The following GRM8 variants were observed in gnomAD, a reference collection of about 807,000 sequenced individuals.
The protein encoded by GRM8 is glutamate metabotropic receptor 8, also known as metabotropic glutamate receptor 8.
GRM8 carries 47 observed loss-of-function variants against 87.2 expected under a neutral mutation model. That is an observed-to-expected ratio of 0.54 (90% CI 0.43 to 0.69). GRM8 has a LOEUF of 0.69. Ranked by LOEUF, GRM8 falls within the 30% of genes least tolerant of loss-of-function variation. The pLI is 0.00. For synonymous variants in GRM8, 396 were observed against 404.5 expected, an observed-to-expected ratio of 0.98 and a Z score of 0.25; for missense variants, 1,019 against 1,139.2, an observed-to-expected ratio of 0.89 and a Z score of 1.52.
intron 7 of GRM8, among the ~76,000 whole-genome samples, chr7:126,741,529 T>C (rs1814995102): frequency 6.6e-6 from 1 of 152,054 alleles, no homozygotes; most frequent in Non-Finnish European, 1.5e-5. Context: ...GCCAGGATTT[T>C]TCCTTGTAAC....
chr7:126,718,007 C>A (rs1052498360), intron 7 of GRM8, among the ~76,000 whole-genome samples: 1 of 151,772 alleles, frequency 6.6e-6, no homozygotes, highest in Admixed American at 6.6e-5. Context: ...CCAAGGCCGG[C>A]GGATCACAAG....
intron 6 of GRM8, among the ~76,000 whole-genome samples, chr7:126,771,231 T>C (rs117114262): frequency 1.4e-4 from 22 of 152,236 alleles, no homozygotes; most frequent in Non-Finnish European, 3.2e-4. Context: ...TTTATATTTG[T>C]ATATTTACAC....
At chr7:126,631,478 A>G (rs975479384) in intron 7 of GRM8, among the ~76,000 whole-genome samples, 4 of 152,138 alleles carry the variant, frequency 2.6e-5, no homozygotes, top group African/African-American at 7.2e-5. Flanking sequence ...TATAGATTCA[A>G]TGCTATTCCC....
At chr7:126,489,330 A>G (rs201122089) in intron 9 of GRM8, among the ~76,000 whole-genome samples, 1 of 152,118 alleles carries the variant, frequency 6.6e-6, no homozygotes, top group East Asian at 1.9e-4. Flanking sequence ...AGCTATTAAC[A>G]TAACTACATG....
intron 7 of GRM8, among the ~76,000 whole-genome samples, chr7:126,633,430 C>T (rs751790571): frequency 8.5e-5 from 13 of 152,078 alleles, no homozygotes; most frequent in African/African-American, 1.4e-4. Flanking sequence ...AATTGATGAG[C>T]GCTAGCATCA....
rs1412566606 is a variant in GRM8 at position 127,015,062 on chromosome 7, A to G, written c.727+91434T>C. Among the ~76,000 whole-genome samples, 270 of 96,184 alleles carry G rather than the reference A, an allele frequency of 2.8e-3. 8 individuals carry two copies. The highest frequency in any genetic ancestry group is 6.0e-3 in the Middle Eastern group (1 of 168). 63.1% of individuals were successfully genotyped at this position (96,184 alleles called of 152,430 possible). ...GAAGAAGAAGAAGAAGAAGAAGAAG[A>G]AGAAGAAAGAAAGAAGGAGAAGAAG... is the stretch of plus-strand genomic sequence containing the variant. On this transcript the variant is annotated intron_variant, in intron 3 of 10. Transcript: ENST00000339582.
At chr7:126,866,848 C>A (rs1586249621) in intron 6 of GRM8, among the ~76,000 whole-genome samples, 1 of 151,988 alleles carries the variant, frequency 6.6e-6, no homozygotes, top group Non-Finnish European at 1.5e-5. Context: ...CCTCGGCCTC[C>A]CAAAGTGCTG....
chr7:126,894,349 G>A (rs1224348310), intron 6 of GRM8, among the ~76,000 whole-genome samples: 1 of 151,938 alleles, frequency 6.6e-6, no homozygotes, highest in Non-Finnish European at 1.5e-5. Flanking sequence ...TTTTCCATTT[G>A]TGAGTTCTTC....
chr7:126,948,545 A>C (rs1407726518), intron 3 of GRM8, among the ~76,000 whole-genome samples: 1 of 151,554 alleles, frequency 6.6e-6, no homozygotes, highest in Non-Finnish European at 1.5e-5. Flanking sequence ...GGAGCCACTA[A>C]AAGACAGGTA....
intron 2 of GRM8, among the ~76,000 whole-genome samples, chr7:127,217,375 G>A (rs1359330183): frequency 1.3e-5 from 2 of 152,164 alleles, no homozygotes; most frequent in Admixed American, 6.5e-5. Flanking sequence ...GGAAGTTACT[G>A]GCAGGCATGG....
rs55857352 is a variant in GRM8, at chr7:126,912,198, AAAACAAACAAACAAAC to A, written c.728-7531_728-7516del. Among the ~76,000 whole-genome samples the A allele has an allele frequency of 5.3e-5, 8 of 150,706 alleles. No individual in the cohort carries two copies. The South Asian group carries it at 1.7e-3, about 32-fold the overall frequency. The stretch of plus-strand genomic sequence containing the variant: ...GGCAACAGAGCGAGACTCTGTCTCA[AAAACAAACAAACAAAC>A]AAACAAACAAACAAACAAATAGAGA... On this transcript the variant is annotated intron_variant, in intron 3 of 10. Coordinates refer to ENST00000339582, the MANE Select transcript of GRM8 (RefSeq NM_000845.3).
intron 2 of GRM8, among the ~76,000 whole-genome samples, chr7:127,139,024 C>T (rs1828105562): frequency 6.6e-6 from 1 of 152,112 alleles, no homozygotes; most frequent in Non-Finnish European, 1.5e-5. Flanking sequence ...ATATATGCGA[C>T]ATGCCCAAGG....
intron 3 of GRM8, among the ~76,000 whole-genome samples, chr7:127,067,709 C>A (rs1821270675): frequency 6.6e-6 from 1 of 152,104 alleles, no homozygotes; most frequent in African/African-American, 2.4e-5. Context: ...TTAAAAGTGT[C>A]ATTAGATAAA....
At chr7:126,586,180 G>A (rs997286292) in intron 8 of GRM8, among the ~76,000 whole-genome samples, 3 of 152,120 alleles carry the variant, frequency 2.0e-5, no homozygotes, top group African/African-American at 7.2e-5. Flanking sequence ...CGAAAAAAAA[G>A]TGGATACAAA....
intron 9 of GRM8, among the ~76,000 whole-genome samples, chr7:126,457,341 T>G (rs1803376146): frequency 1.3e-5 from 2 of 151,362 alleles, no homozygotes; most frequent in East Asian, 2.0e-4. Context: ...AGGAGAGATA[T>G]AATAGATAAA....
chr7:126,975,510 T>C (rs1810898999), intron 3 of GRM8, among the ~76,000 whole-genome samples: 1 of 152,234 alleles, frequency 6.6e-6, no homozygotes, highest in Non-Finnish European at 1.5e-5. Flanking sequence ...GTAGATTTTG[T>C]ATAATCTGTT....
intron 1 of GRM8, among the ~76,000 whole-genome samples, chr7:127,246,891 T>C (rs912291795): frequency 2.6e-5 from 4 of 152,152 alleles, no homozygotes; most frequent in Non-Finnish European, 4.4e-5. Flanking sequence ...CTCAGAGGGA[T>C]TGAATATGGC....
intron 9 of GRM8, among the ~76,000 whole-genome samples, chr7:126,509,481 C>A (rs1311071127): frequency 1.3e-5 from 2 of 151,970 alleles, no homozygotes; most frequent in African/African-American, 4.8e-5. Flanking sequence ...ACAAATTGAG[C>A]ACATTATGAA....
intron 2 of GRM8, among the ~76,000 whole-genome samples, chr7:127,154,101 C>T (rs17869507): frequency 2.4e-4 from 36 of 152,196 alleles, no homozygotes; most frequent in African/African-American, 8.4e-4. Context: ...ATATCACTGC[C>T]TCTGTAAGAA....
Sources: allele counts gnomAD v4.1 joint callset (sites outside exome capture counted in the v4.1 genomes callset), GRCh38; gene constraint gnomAD v4.1.1; transcripts MANE v1.5; gene names NCBI Gene and HGNC (gene_info 2026-07-23, HGNC 2026-07-21).